TTC33: variants seen among roughly 807,000 people sequenced by gnomAD.
TTC33 encodes the protein tetratricopeptide repeat domain 33.
In TTC33, 24 loss-of-function variants were observed where a neutral mutation model predicts 29.4. The ratio of observed to expected loss-of-function variants is 0.82; its 90% CI spans 0.59 to 1.15. The LOEUF (loss-of-function observed/expected upper bound fraction) is 1.15. Ranked by LOEUF, TTC33 falls within the 50% of genes most tolerant of loss-of-function variation. The probability of loss-of-function intolerance (pLI) is 0.00; values close to 1 mark genes in which losing one functional copy is unlikely to be tolerated. For missense variants in TTC33, 286 were observed against 310.4 expected (o/e 0.92, Z 0.59); for synonymous variants, 107 against 100.3 (o/e 1.07, Z -0.40).
rs903003533 is a variant in TTC33 at position 40,712,396 on chromosome 5, C to T, written c.*3749G>A. 6.6e-6 allele frequency among the ~76,000 whole-genome samples: 1 copy of T among 152,096 alleles called. No homozygotes were observed. The highest frequency in any genetic ancestry group is 1.9e-4 in the East Asian group (1 of 5,196). ...TTGAGGGAGTCATAAAATAATGTCC[C>T]TCTCCTCTCCTGACCTCTGAACCAC... On this transcript the variant is annotated 3_prime_UTR_variant, in exon 5 of 5. Coordinates refer to ENST00000337702, the MANE Select transcript of TTC33 (RefSeq NM_012382.3).
At position 40,716,419 on chromosome 5, in the gene TTC33, C is replaced by G. The variant is rs575440059; in HGVS notation, c.515G>C (p.Arg172Thr). The G allele has an allele frequency of 6.2e-7, 1 of 1,613,814 alleles. No individual in the cohort carries two copies. The highest frequency in any genetic ancestry group is 1.7e-5 in the Admixed American group (1 of 60,014). Residue 172 changes from arginine (R) to threonine (T), a missense_variant, in exon 5 of 5, where the codon AGA (arginine) becomes ACA (threonine). By Grantham distance (71) the Arg-to-Thr change is moderately conservative. Coordinates refer to ENST00000337702, the MANE Select transcript of TTC33 (RefSeq NM_012382.3). ...EIWKEDLSWARTLQEQQKVAQ... is the reference protein window; with the variant it reads ...EIWKEDLSWATTLQEQQKVAQ... The stretch of plus-strand genomic sequence containing the variant: ...TACCTTCTGCTGCTCCTGGAGCGTT[C>G]TTGCCCAAGAGAGGTCTTCTTTCCA...
intron 2 of TTC33, among the ~76,000 whole-genome samples, chr5:40,743,424 A>T (rs1206724238): frequency 6.6e-6 from 1 of 152,158 alleles, no homozygotes; most frequent in Non-Finnish European, 1.5e-5. Flanking sequence ...TATTTTTTTT[A>T]ATCTAATTTA....
At chr5:40,747,807 CA>C (rs771909655) in intron 1 of TTC33, among the ~76,000 whole-genome samples, 1 of 151,926 alleles carries the variant, frequency 6.6e-6, no homozygotes, top group Non-Finnish European at 1.5e-5. Flanking sequence ...ACTCCTGATT[CA>C]AAAAAGCCAA....
At chr5:40,726,772 T>C (rs900584237) in intron 4 of TTC33, among the ~76,000 whole-genome samples, 2 of 152,160 alleles carry the variant, frequency 1.3e-5, no homozygotes, top group Non-Finnish European at 1.5e-5. Context: ...AGAGATTTGT[T>C]CCATTACCAT....
intron 1 of TTC33, among the ~76,000 whole-genome samples, chr5:40,747,726 A>T (rs548831061): frequency 9.9e-5 from 15 of 152,246 alleles, no homozygotes; most frequent in Non-Finnish European, 1.8e-4. Context: ...GAAGAGAAAG[A>T]ACAAGGTAAC....
At chr5:40,744,056 T>C (rs1371800049) in intron 2 of TTC33, among the ~76,000 whole-genome samples, 1 of 152,242 alleles carries the variant, frequency 6.6e-6, no homozygotes, top group African/African-American at 2.4e-5. Flanking sequence ...CACATTAGTG[T>C]GGTTAAAAGT....
At chr5:40,733,938 AGATTT>A (rs1742490610) in intron 2 of TTC33, among the ~76,000 whole-genome samples, 2 of 152,372 alleles carry the variant, frequency 1.3e-5, no homozygotes, top group South Asian at 4.1e-4. Context: ...ACAGGCTTAC[AGATTT>A]GAGAAAAAAG....
At chr5:40,727,972 T>A (rs745716749) in intron 4 of TTC33, among the ~76,000 whole-genome samples, 1 of 151,924 alleles carries the variant, frequency 6.6e-6, no homozygotes, top group Non-Finnish European at 1.5e-5. Context: ...CACTTTTGGG[T>A]TCAGTTAATC....
chr5:40,746,748 G>T, intron 2 of TTC33, 50 bp downstream of exon 2: 2 of 1,373,638 alleles, frequency 1.5e-6, no homozygotes, highest in Non-Finnish European at 2.0e-6. Context: ...CGGACAGTGA[G>T]CTAGAAAATG....
At chr5:40,751,889 G>A (rs1008156046) in intron 1 of TTC33, among the ~76,000 whole-genome samples, 19 of 151,608 alleles carry the variant, frequency 1.3e-4, no homozygotes, top group African/African-American at 4.1e-4. Context: ...CCCAGGAGGC[G>A]GAGGTTGCAG....
intron 1 of TTC33, among the ~76,000 whole-genome samples, chr5:40,750,865 A>C (rs1210684970): frequency 6.6e-6 from 1 of 152,104 alleles, no homozygotes; most frequent in African/African-American, 2.4e-5. Context: ...ATCCTTTCAA[A>C]TTTTATCATG....
At position 40,712,771 on chromosome 5, in the gene TTC33, T is replaced by C. The variant is rs1741922362; in HGVS notation, c.*3374A>G. ...AGTGAGAGAAAGAGATTAGAATTCC[T>C]TGGTAAATGGATAGCCTAAGAAGCA... On this transcript the variant is annotated 3_prime_UTR_variant, in exon 5 of 5. Coordinates refer to ENST00000337702, the MANE Select transcript of TTC33 (RefSeq NM_012382.3). Among the ~76,000 whole-genome samples the C allele has an allele frequency of 2.0e-5, 3 of 152,170 alleles. No individual in the cohort carries two copies. In the South Asian group the frequency reaches 6.2e-4, roughly 31 times the overall value.
At chr5:40,752,860 G>A (rs556544225) in intron 1 of TTC33, among the ~76,000 whole-genome samples, 10 of 152,236 alleles carry the variant, frequency 6.6e-5, no homozygotes, top group African/African-American at 2.4e-4. Flanking sequence ...GTGCAAAAAC[G>A]CAGTATCTAT....
chr5:40,753,808 C>G (rs763792380), intron 1 of TTC33, among the ~76,000 whole-genome samples: 7 of 151,992 alleles, frequency 4.6e-5, no homozygotes, highest in Non-Finnish European at 7.3e-5. Context: ...TTTCTTTATT[C>G]ATAAGGTGAG....
At position 40,747,007 on chromosome 5, in the gene TTC33, A is replaced by G; in HGVS notation, c.12T>C (p.Phe4=). ...TCTCACCAATTTTCCTCTTCCACCC[A>G]AAGGAAGCCATTCTGGAAAATTACA... MAS[F]GWKRKIGEKV... is the part of the protein sequence containing the mutation. The change falls in exon 2 of 5, where the codon TTT becomes TTC. Residue 4 remains phenylalanine, a synonymous_variant. Transcript: ENST00000337702. 1 of 1,608,296 alleles carries G rather than the reference A, an allele frequency of 6.2e-7. No homozygotes were observed. The highest frequency in any genetic ancestry group is 1.3e-5 in the African/African-American group (1 of 74,610).
At chr5:40,743,684 G>A (rs1742740421) in intron 2 of TTC33, among the ~76,000 whole-genome samples, 1 of 152,106 alleles carries the variant, frequency 6.6e-6, no homozygotes, top group Non-Finnish European at 1.5e-5. Context: ...GAGGCAGGGA[G>A]GATTGCTTAA....
intron 2 of TTC33, among the ~76,000 whole-genome samples, chr5:40,730,651 G>A (rs1189140151): frequency 1.3e-5 from 2 of 152,064 alleles, no homozygotes; most frequent in African/African-American, 4.8e-5. Flanking sequence ...CTGCTTTCAG[G>A]AGGAGCAGTC....
rs1182763551 is a variant in TTC33 at position 40,716,491 on chromosome 5, C to T, written c.443G>A (p.Arg148Gln). 1.1e-5 allele frequency: 18 copies of T among 1,584,062 alleles called. No individual in the cohort carries two copies. Among genetic ancestry groups the T allele is most frequent in the Non-Finnish European group, 1.5e-5 (18 of 1,168,242 alleles). ...LGLGEIILAI[R>Q]SFQVALHIYP... Reference sequence around the variant, plus strand: ...GATGTGAAGGGCTACTTGAAAACTTCGAATTGCCTAGAAAATAAGGTCAGA... The same window carrying T: ...GATGTGAAGGGCTACTTGAAAACTTTGAATTGCCTAGAAAATAAGGTCAGA... The change falls in exon 5 of 5, where the codon CGA becomes CAA. Residue 148 changes from arginine to glutamine, a missense_variant. Arg to Gln is a conservative substitution (Grantham distance 43, BLOSUM62 1). Transcript: ENST00000337702.
chr5:40,716,224 G>GA lies in TTC33; in HGVS notation c.709dup (p.Ser237PhefsTer9). The GA allele has an allele frequency of 6.2e-7, 1 of 1,614,192 alleles. No individual in the cohort carries two copies. The highest frequency in any genetic ancestry group is 8.5e-7 in the Non-Finnish European group (1 of 1,180,040). On this transcript the variant is annotated frameshift_variant, in exon 5 of 5. Coordinates refer to ENST00000337702, the MANE Select transcript of TTC33 (RefSeq NM_012382.3). LOFTEE classifies it high-confidence loss of function. The stretch of plus-strand genomic sequence containing the variant: ...TTCAGTTACAGTCTCTATGGCCCCA[G>GA]AAGCAGACACAATAACCATTGTTTT...
Sources: allele counts gnomAD v4.1 joint callset (sites outside exome capture counted in the v4.1 genomes callset), GRCh38; gene constraint gnomAD v4.1.1; transcripts MANE v1.5; gene names NCBI Gene and HGNC (gene_info 2026-07-23, HGNC 2026-07-21).